CPPED1: variants seen among roughly 807,000 people sequenced by gnomAD.
The protein encoded by CPPED1 is serine/threonine-protein phosphatase CPPED1.
In CPPED1, 28 loss-of-function variants were observed where a neutral mutation model predicts 28.0. The ratio of observed to expected loss-of-function variants is 1.00; its 90% CI spans 0.74 to 1.37. CPPED1 has a LOEUF of 1.37. Ranked by LOEUF, CPPED1 falls within the 40% of genes most tolerant of loss-of-function variation. The pLI is 0.00. For synonymous variants in CPPED1, 198 were observed against 180.2 expected (o/e 1.10, Z -0.79); for missense variants, 504 against 416.5 (o/e 1.21, Z -1.83).
intron 2 of CPPED1, 25 bp from the exon 3 acceptor site, chr16:12,705,074 G>A (rs773460555): frequency 6.3e-7 from 1 of 1,580,882 alleles, no homozygotes; most frequent in South Asian, 1.2e-5. Flanking sequence ...GTCACGTCCT[G>A]AGAAAGCCAG....
rs3074348 is a variant in CPPED1, at chr16:12,663,061, GT to G, written c.*1824del. On this transcript the variant is annotated 3_prime_UTR_variant, in exon 4 of 4. Coordinates refer to ENST00000381774, the MANE Select transcript of CPPED1 (RefSeq NM_018340.3). ...TCAAGTCTCAATGTGTGTGTGTGTG[GT>G]TTTTTTTTTTTTTTTTTGAGACAGA... The G allele has an allele frequency of 0.012, 1,603 of 130,986 alleles. 15 individuals carry two copies. Among genetic ancestry groups the G allele is most frequent in the African/African-American group, 0.025 (875 of 35,678 alleles). The allele number at this position is 130,986 out of a possible 1,614,324, so 8.1% of individuals were successfully genotyped here. A position where few individuals can be genotyped will look rare whatever the true frequency, so the allele number is the denominator to read the frequency against.
At position 12,704,619 on chromosome 16, in the gene CPPED1, T is replaced by C. The variant is rs774004567; in HGVS notation, c.715+5A>G. On this transcript the variant is annotated splice_donor_5th_base_variant and intron_variant, in intron 3 of 3. Transcript: ENST00000381774. ...TCCCTGAAACCCGTGGCCCGGGGCC[T>C]CTACCTGCGTGGATGAACTTGTCTG... is the stretch of plus-strand genomic sequence containing the variant. The C allele has an allele frequency of 3.7e-6, 6 of 1,603,026 alleles. 1 individual carries two copies. The South Asian group carries it at 6.7e-5, about 18-fold the overall frequency.
At chr16:12,783,866 C>T (rs1462541213) in intron 1 of CPPED1, among the ~76,000 whole-genome samples, 1 of 152,164 alleles carries the variant, frequency 6.6e-6, no homozygotes. Flanking sequence ...TGCATGAAAC[C>T]CTGGTGTGTG....
chr16:12,684,485 T>C (rs1382985110), intron 3 of CPPED1, among the ~76,000 whole-genome samples: 1 of 152,204 alleles, frequency 6.6e-6, no homozygotes, highest in Non-Finnish European at 1.5e-5. Flanking sequence ...CCAGTGCCAG[T>C]GCCAGTACAG....
chr16:12,673,664 C>T (rs901777517), intron 3 of CPPED1, among the ~76,000 whole-genome samples: 1 of 152,198 alleles, frequency 6.6e-6, no homozygotes, highest in Non-Finnish European at 1.5e-5. Flanking sequence ...CCCCTCAGGG[C>T]TCACCAATTA....
At chr16:12,718,208 T>C (rs1428521674) in intron 2 of CPPED1, among the ~76,000 whole-genome samples, 1 of 152,176 alleles carries the variant, frequency 6.6e-6, no homozygotes, top group Admixed American at 6.5e-5. Context: ...GGCCACGTTT[T>C]TCTTGATGTG....
At chr16:12,791,642 G>A (rs1289953724) in intron 1 of CPPED1, among the ~76,000 whole-genome samples, 2 of 152,134 alleles carry the variant, frequency 1.3e-5, no homozygotes, top group Non-Finnish European at 2.9e-5. Context: ...GGAGAAGGAG[G>A]CTGGCAGGAT....
Position 12,669,568 on chromosome 16 carries a change from G to C in CPPED1, c.716-4453C>G, listed in dbSNP as rs2079843325. On this transcript the variant is annotated intron_variant, in intron 3 of 3. Transcript: ENST00000381774. ...ATATCACAACAACGGATTAGAGTTG[G>C]AGATATCAGTGGTAATTCATGTTTA... is the stretch of plus-strand genomic sequence containing the variant. Among the ~76,000 whole-genome samples, 8 of 152,184 alleles carry C rather than the reference G, an allele frequency of 5.3e-5. No homozygotes were observed. The South Asian group carries it at 1.7e-3, about 32-fold the overall frequency.
At chr16:12,724,262 T>C (rs1395220482) in intron 2 of CPPED1, among the ~76,000 whole-genome samples, 1 of 152,106 alleles carries the variant, frequency 6.6e-6, no homozygotes, top group African/African-American at 2.4e-5. Context: ...ACTGACTTAC[T>C]ACCCAGGTCC....
intron 1 of CPPED1, among the ~76,000 whole-genome samples, chr16:12,796,540 G>A (rs1234137600): frequency 2.6e-5 from 4 of 152,022 alleles, no homozygotes; most frequent in Admixed American, 1.3e-4. Context: ...ACTTCACACC[G>A]ATTTGGATGG....
intron 2 of CPPED1, among the ~76,000 whole-genome samples, chr16:12,731,888 T>TCC (rs796898876): frequency 4.0e-5 from 6 of 148,830 alleles, no homozygotes; most frequent in African/African-American, 1.5e-4. Context: ...GCAGGCTGGG[T>TCC]GTGGTGGCTC....
chr16:12,689,012 G>T (rs1253196917), intron 3 of CPPED1, among the ~76,000 whole-genome samples: 1 of 152,072 alleles, frequency 6.6e-6, no homozygotes, highest in Non-Finnish European at 1.5e-5. Context: ...TATGCATGAA[G>T]AAGTTCAAGA....
chr16:12,801,345 A>T (rs2080658162), intron 1 of CPPED1, among the ~76,000 whole-genome samples: 1 of 152,164 alleles, frequency 6.6e-6, no homozygotes, highest in African/African-American at 2.4e-5. Context: ...CACCCGCCTC[A>T]GTCTCCCAAA....
intron 2 of CPPED1, among the ~76,000 whole-genome samples, chr16:12,770,198 C>T (rs1234101696): frequency 1.3e-5 from 2 of 152,166 alleles, no homozygotes; most frequent in African/African-American, 4.8e-5. Flanking sequence ...CCCCAGAGAA[C>T]TGCTAAGAGA....
chr16:12,674,976 G>A (rs948467750), intron 3 of CPPED1, among the ~76,000 whole-genome samples: 2 of 152,152 alleles, frequency 1.3e-5, no homozygotes, highest in African/African-American at 2.4e-5. Context: ...GCTGGAGGGG[G>A]GCACACAGCA....
At chr16:12,736,026 A>T (rs572031413) in intron 2 of CPPED1, among the ~76,000 whole-genome samples, 1 of 152,162 alleles carries the variant, frequency 6.6e-6, no homozygotes, top group Non-Finnish European at 1.5e-5. Flanking sequence ...AGGAAGCAAG[A>T]TCCCCTGGGC....
rs2079793370 is a variant in CPPED1 at position 12,661,368 on chromosome 16, T to A, written c.*3518A>T. ...AAAATCACAAAATAGGATAAAACGT[T>A]CTGTTGCTAGTCCCATAAAGCTTAC... On this transcript the variant is annotated 3_prime_UTR_variant, in exon 4 of 4. Transcript: ENST00000381774. 6.6e-6 allele frequency: 1 copy of A among 152,172 alleles called. No homozygotes were observed. The highest frequency in any genetic ancestry group is 2.4e-5 in the African/African-American group (1 of 41,442). 9.4% of individuals were successfully genotyped at this position (152,172 alleles called of 1,614,324 possible).
intron 3 of CPPED1, among the ~76,000 whole-genome samples, chr16:12,689,578 C>T (rs947224586): frequency 2.0e-5 from 3 of 151,752 alleles, no homozygotes; most frequent in Admixed American, 2.0e-4. Flanking sequence ...TGCTTATAAA[C>T]CAAGCCCACA....
rs774659482 is a variant in CPPED1, at chr16:12,756,148, C to T, written c.289+25037G>A. ...TCCGTCAAAAAAAACAAAAAAAAAT[C>T]GGAAGTTGGTTCAGCTCTAGGCCAG... On this transcript the variant is annotated intron_variant, in intron 2 of 3. Transcript: ENST00000381774. 4.4e-5 allele frequency among the ~76,000 whole-genome samples: 6 copies of T among 136,700 alleles called. No homozygotes were observed. The South Asian group carries it at 6.7e-4, about 15-fold the overall frequency. The allele number at this position is 136,700 out of a possible 152,430, so 89.7% of individuals were successfully genotyped here. A position where few individuals can be genotyped will look rare whatever the true frequency, so the allele number is the denominator to read the frequency against.
Sources: gnomAD v4.1 joint callset for allele counts (sites outside exome capture counted in the v4.1 genomes callset) on GRCh38, gnomAD v4.1.1 for gene constraint, MANE v1.5 for transcripts, NCBI Gene and HGNC (gene_info 2026-07-23, HGNC 2026-07-21) for gene names.